PACRG: variants seen among roughly 807,000 people sequenced by gnomAD.
PACRG encodes parkin coregulated gene protein.
Under a neutral mutation model 29.7 loss-of-function variants are expected in PACRG, and 29 were observed. The ratio of observed to expected loss-of-function variants is 0.98; its 90% CI spans 0.73 to 1.33. PACRG has a LOEUF of 1.33. Ranked by LOEUF, PACRG falls within the 40% of genes most tolerant of loss-of-function variation. The probability of loss-of-function intolerance (pLI) is 0.00; values close to 1 mark genes in which losing one functional copy is unlikely to be tolerated. For synonymous variants in PACRG, 116 were observed against 118.7 expected, an observed-to-expected ratio of 0.98 and a Z score of 0.15; for missense variants, 279 against 316.2, an observed-to-expected ratio of 0.88 and a Z score of 0.89.
Position 163,181,358 on chromosome 6 carries a change from C to T in PACRG, c.613+91950C>T, listed in dbSNP as rs570692211. Among the ~76,000 whole-genome samples the T allele has an allele frequency of 2.6e-4, 39 of 152,246 alleles. 1 individual carries two copies. In the South Asian group the frequency reaches 6.6e-3, roughly 26 times the overall value. ...TGGCCACCTCTGTGATACAGACGGC[C>T]GCTTGGGGACAGCAGAGGCTCAGGG... On this transcript the variant is annotated intron_variant, in intron 4 of 4. Transcript: ENST00000366888.
chr6:162,879,318 A>C (rs1036156032), intron 2 of PACRG, among the ~76,000 whole-genome samples: 1 of 152,244 alleles, frequency 6.6e-6, no homozygotes, highest in African/African-American at 2.4e-5. Context: ...ACACAGTAAA[A>C]CTATCCATGT....
At chr6:162,932,867 T>G (rs558289642) in intron 2 of PACRG, among the ~76,000 whole-genome samples, 26 of 152,126 alleles carry the variant, frequency 1.7e-4, no homozygotes, top group African/African-American at 6.3e-4. Context: ...TCTTTGTTTA[T>G]TTCTGCTCTC....
At chr6:163,178,659 T>C (rs1019445881) in intron 4 of PACRG, among the ~76,000 whole-genome samples, 1 of 152,226 alleles carries the variant, frequency 6.6e-6, no homozygotes, top group Non-Finnish European at 1.5e-5. Context: ...TTCTGTTACA[T>C]GCGGCCAAAC....
intron 1 of PACRG, among the ~76,000 whole-genome samples, chr6:162,748,618 A>G (rs552265909): frequency 2.3e-4 from 35 of 152,356 alleles, no homozygotes; most frequent in African/African-American, 5.5e-4. Flanking sequence ...TATTTTCTAA[A>G]GTATCAATGA....
chr6:162,999,617 C>A (rs888929359), intron 2 of PACRG, among the ~76,000 whole-genome samples: 1 of 152,166 alleles, frequency 6.6e-6, no homozygotes, highest in Non-Finnish European at 1.5e-5. Context: ...ATTTTAGTGA[C>A]ACATAGAATT....
intron 4 of PACRG, among the ~76,000 whole-genome samples, chr6:163,258,610 A>G (rs1783205083): frequency 6.6e-6 from 1 of 152,126 alleles, no homozygotes; most frequent in Non-Finnish European, 1.5e-5. Flanking sequence ...ACAAAAAATT[A>G]GCCGGCAATG....
chr6:163,269,785 A>ACAGACAGACAGACAGG lies in PACRG; in HGVS notation c.614-45042_614-45041insCAGACAGACAGACAGG, dbSNP rs1562349142. The stretch of plus-strand genomic sequence containing the variant: ...GAGAGACAGACAGACAGACAGACAG[A>ACAGACAGACAGACAGG]AAGAAAGAAAGGAAGGAAGGAAGGA... On this transcript the variant is annotated intron_variant, in intron 4 of 4. Transcript: ENST00000366888. Among the ~76,000 whole-genome samples, 16 of 93,798 alleles carry ACAGACAGACAGACAGG rather than the reference A, an allele frequency of 1.7e-4. 2 individuals are homozygous for ACAGACAGACAGACAGG. The highest frequency in any genetic ancestry group is 6.5e-4 in the African/African-American group (16 of 24,716). The allele number at this position is 93,798 out of a possible 152,430, so 61.5% of individuals were successfully genotyped here.
upstream of PACRG, chr6:162,727,283 A>AGGGGCAAAGGTGAGGGGCGGCGGC: frequency 3.8e-6 from 1 of 265,568 alleles, no homozygotes; most frequent in East Asian, 1.2e-4. Flanking sequence ...CAGTGAGGTG[A>AGGGGCAAAGGTGAGGGGCGGCGGC]GGGGCGAAGG....
intron 2 of PACRG, among the ~76,000 whole-genome samples, chr6:163,034,082 A>G (rs1327633324): frequency 1.3e-5 from 2 of 152,188 alleles, no homozygotes; most frequent in Admixed American, 6.5e-5. Flanking sequence ...AGAGAGAGAA[A>G]CAGCGGAAAA....
At chr6:162,971,896 C>T (rs939120967) in intron 2 of PACRG, among the ~76,000 whole-genome samples, 1 of 152,140 alleles carries the variant, frequency 6.6e-6, no homozygotes, top group African/African-American at 2.4e-5. Context: ...GTCTGTTTGG[C>T]ACCGCCTGTT....
intron 2 of PACRG, among the ~76,000 whole-genome samples, chr6:162,974,330 A>G (rs1162226267): frequency 6.6e-6 from 1 of 152,226 alleles, no homozygotes; most frequent in Admixed American, 6.5e-5. Flanking sequence ...TTCAAGATGT[A>G]ATGCCCAAGT....
intron 2 of PACRG, among the ~76,000 whole-genome samples, chr6:162,827,951 G>T (rs528520955): frequency 6.6e-6 from 1 of 152,242 alleles, no homozygotes; most frequent in African/African-American, 2.4e-5. Context: ...ATAGTGATCT[G>T]TTTTCACATC....
chr6:163,178,366 C>T (rs1232788401), intron 4 of PACRG, among the ~76,000 whole-genome samples: 1 of 152,226 alleles, frequency 6.6e-6, no homozygotes, highest in Admixed American at 6.5e-5. Flanking sequence ...GCTGCGTAGA[C>T]TCCAACTGGC....
chr6:163,134,517 A>G (rs1816853975), intron 4 of PACRG, among the ~76,000 whole-genome samples: 2 of 152,228 alleles, frequency 1.3e-5, no homozygotes, highest in South Asian at 2.1e-4. Flanking sequence ...ACACATATTT[A>G]GAGGAAGGAT....
At chr6:163,220,689 GT>G (rs566616595) in intron 4 of PACRG, among the ~76,000 whole-genome samples, 6 of 152,050 alleles carry the variant, frequency 3.9e-5, no homozygotes, top group Admixed American at 6.6e-5. Context: ...CTTTAATTAT[GT>G]TTTTTTAAGA....
intron 4 of PACRG, among the ~76,000 whole-genome samples, chr6:163,302,272 A>G (rs539590261): frequency 6.9e-4 from 96 of 139,478 alleles, no homozygotes; most frequent in Admixed American, 1.7e-3. Flanking sequence ...TTTTTTTTGT[A>G]AGATGTGGCC....
Position 162,787,576 on chromosome 6 carries a change from G to GTA in PACRG, c.157-26570_157-26569insAT, listed in dbSNP as rs1421392024. Among the ~76,000 whole-genome samples, 195 of 59,496 alleles carry GTA rather than the reference G, an allele frequency of 3.3e-3. 3 individuals carry two copies. The highest frequency in any genetic ancestry group is 0.012 in the African/African-American group (174 of 15,108). The allele number at this position is 59,496 out of a possible 152,430, so 39.0% of individuals were successfully genotyped here. A position where few individuals can be genotyped will look rare whatever the true frequency, so the allele number is the denominator to read the frequency against. ...ATGGTTATTGTGTGTGTGTGTGTGT[G>GTA]TGTGTGTATATATATATATATATAT... On this transcript the variant is annotated intron_variant, in intron 1 of 4. Transcript: ENST00000366888.
chr6:162,959,569 C>T (rs1228516758), intron 2 of PACRG, among the ~76,000 whole-genome samples: 1 of 152,122 alleles, frequency 6.6e-6, no homozygotes, highest in African/African-American at 2.4e-5. Context: ...TTGGCTTTTA[C>T]TCTGAGTGAT....
At chr6:163,072,119 C>T (rs1812118686) in intron 3 of PACRG, among the ~76,000 whole-genome samples, 2 of 151,078 alleles carry the variant, frequency 1.3e-5, no homozygotes, top group Non-Finnish European at 2.9e-5. Flanking sequence ...CAAAACCAGA[C>T]AAAGACACAT....
Sources: gnomAD v4.1 joint callset for allele counts (sites outside exome capture counted in the v4.1 genomes callset) on GRCh38, gnomAD v4.1.1 for gene constraint, MANE v1.5 for transcripts, NCBI Gene and HGNC (gene_info 2026-07-23, HGNC 2026-07-21) for gene names.